The following UFL1 variants were observed in gnomAD, a reference collection of about 807,000 sequenced individuals.
UFL1 encodes E3 UFM1-protein ligase 1.
UFL1 carries 78 observed loss-of-function variants against 99.3 expected under a neutral mutation model. The ratio of observed to expected loss-of-function variants is 0.79; its 90% CI spans 0.65 to 0.95. UFL1 has a LOEUF of 0.95. UFL1 is among the 40% of genes least tolerant of loss of function. The pLI, the probability that UFL1 is intolerant of heterozygous loss-of-function variation, is 0.00. For missense variants in UFL1, 936 were observed against 937.0 expected, an observed-to-expected ratio of 1.00 and a Z score of 0.01; for synonymous variants, 335 against 322.2, an observed-to-expected ratio of 1.04 and a Z score of -0.42.
intron 4 of UFL1, 108 bp from the exon 5 acceptor site, chr6:96,526,213 A>G: frequency 3.7e-6 from 3 of 817,838 alleles, no homozygotes; most frequent in Non-Finnish European, 3.9e-6. Context: ...CACACATTTC[A>G]TTACTTTTGG....
In UFL1 at chr6:96,526,233, CATTTCAACGGAA is replaced by C. The variant is rs1360573771; in HGVS notation, c.351-84_351-73del. On this transcript the variant is annotated intron_variant, in intron 4 of 18. Coordinates refer to ENST00000369278, the MANE Select transcript of UFL1 (RefSeq NM_015323.5). ...ATTTCATTACTTTTGGGGCATACTTCATTTCAACGGAAATTAAACATAAAATGAGGAAACAGA... is the reference window on the plus strand; with the variant it reads ...ATTTCATTACTTTTGGGGCATACTTCATTAAACATAAAATGAGGAAACAGA... 3 of 1,092,580 alleles carry C rather than the reference CATTTCAACGGAA, an allele frequency of 2.7e-6. No homozygotes were observed. In the African/African-American group the frequency reaches 4.8e-5, roughly 17 times the overall value. The allele number at this position is 1,092,580 out of a possible 1,614,324, so 67.7% of individuals were successfully genotyped here.
intron 10 of UFL1, among the ~76,000 whole-genome samples, chr6:96,539,695 T>C (rs1441007619): frequency 1.3e-5 from 2 of 151,538 alleles, no homozygotes; most frequent in East Asian, 1.9e-4. Context: ...AAATAAGGGA[T>C]ATATGTAAAA....
chr6:96,547,816 G>C (rs141472960), intron 12 of UFL1, among the ~76,000 whole-genome samples: 2 of 151,158 alleles, frequency 1.3e-5, no homozygotes, highest in Non-Finnish European at 1.5e-5. Context: ...GTTGGGGGGG[G>C]GCGGTATGTG....
chr6:96,533,151 A>T (rs1769805212), intron 6 of UFL1, among the ~76,000 whole-genome samples: 1 of 152,092 alleles, frequency 6.6e-6, no homozygotes, highest in Non-Finnish European at 1.5e-5. Context: ...GCTTAAAAGG[A>T]ATAGAAAAGA....
Position 96,538,685 on chromosome 6 carries a change from G to A in UFL1, c.1033G>A (p.Val345Met). 1.2e-6 allele frequency: 2 copies of A among 1,611,546 alleles called. No homozygotes were observed. The highest frequency in any genetic ancestry group is 1.7e-6 in the Non-Finnish European group (2 of 1,178,352). Residue 345 changes from valine to methionine, a missense_variant, in exon 10 of 19, where the codon GTG (valine) becomes ATG (methionine). By Grantham distance (21) the Val-to-Met change is conservative. Coordinates refer to ENST00000369278, the MANE Select transcript of UFL1 (RefSeq NM_015323.5). ...AGATGCTGCCATATTGCTTCAGCAG[G>A]TGATGAGGGCATTCAGCAAACAGGC... ...VEDAAILLQQ[V>M]MRAFSKQAST...
At chr6:96,547,777 A>G (rs1267186584) in intron 12 of UFL1, among the ~76,000 whole-genome samples, 1 of 151,380 alleles carries the variant, frequency 6.6e-6, no homozygotes, top group Admixed American at 6.6e-5. Flanking sequence ...ACACATGGAA[A>G]ATAATAGAAG....
In UFL1 at chr6:96,523,287, A is replaced by T. The variant is rs1181096681; in HGVS notation, c.219A>T (p.Arg73=). ...SKEMRDELHV[R]GGRVNIVDLQ... is the part of the protein sequence containing the mutation. Reference sequence around the variant, plus strand: ...AAATGAGAGATGAGCTACATGTCCGAGGTGGTAGGTAATTCTTTAGTGTTT... The same window carrying T: ...AAATGAGAGATGAGCTACATGTCCGTGGTGGTAGGTAATTCTTTAGTGTTT... Residue 73 remains arginine, a synonymous_variant, in exon 2 of 19, where the codon CGA becomes CGT. Coordinates refer to ENST00000369278, the MANE Select transcript of UFL1 (RefSeq NM_015323.5). 1 of 1,585,606 alleles carries T rather than the reference A, an allele frequency of 6.3e-7. No homozygotes were observed.
intron 11 of UFL1, among the ~76,000 whole-genome samples, chr6:96,541,721 T>C (rs1383710377): frequency 1.3e-5 from 2 of 151,284 alleles, no homozygotes; most frequent in African/African-American, 4.8e-5. Context: ...TCAGTATAAC[T>C]AGTCTATTTA....
At chr6:96,548,488 G>C (rs1183706436) in intron 13 of UFL1, among the ~76,000 whole-genome samples, 1 of 151,584 alleles carries the variant, frequency 6.6e-6, no homozygotes, top group Non-Finnish European at 1.5e-5. Context: ...GGGTAAAGCA[G>C]TATGGGAAAT....
At chr6:96,548,927 T>C (rs917078871) in intron 13 of UFL1, among the ~76,000 whole-genome samples, 1 of 151,720 alleles carries the variant, frequency 6.6e-6, no homozygotes, top group Admixed American at 6.6e-5. Context: ...TTTTTTAATA[T>C]AAATATTTTT....
At chr6:96,550,523 G>A (rs1171428204) in intron 15 of UFL1, among the ~76,000 whole-genome samples, 1 of 152,026 alleles carries the variant, frequency 6.6e-6, no homozygotes, top group Non-Finnish European at 1.5e-5. Flanking sequence ...GGTCTTTGGT[G>A]ATGTAGTTAG....
chr6:96,525,650 C>G (rs1368901460), intron 4 of UFL1, among the ~76,000 whole-genome samples: 1 of 135,024 alleles, frequency 7.4e-6, no homozygotes, highest in Non-Finnish European at 1.5e-5. Context: ...GACCAGCCTA[C>G]GTAACATAGC....
intron 16 of UFL1, 39 bp from the exon 17 acceptor site, chr6:96,551,799 A>G: frequency 7.6e-7 from 1 of 1,321,238 alleles, no homozygotes; most frequent in African/African-American, 1.5e-5. Flanking sequence ...TTATGCAGTT[A>G]TATATAAAAG....
At chr6:96,523,989 A>G (rs919166317) in intron 2 of UFL1, among the ~76,000 whole-genome samples, 1 of 151,920 alleles carries the variant, frequency 6.6e-6, no homozygotes, top group African/African-American at 2.4e-5. Flanking sequence ...TCTTATGCTG[A>G]TATGTAGAAG....
Position 96,549,691 on chromosome 6 carries a change from C to A in UFL1, c.1710C>A (p.Thr570=). The part of the protein sequence containing the change: ...FFADDTQAAL[T]KHLLKSVCTD... ...CAGATGACACACAGGCTGCTCTTACCAAACACTTGCTGAAGTCAGTGTGTA... is the reference window on the plus strand; with the variant it reads ...CAGATGACACACAGGCTGCTCTTACAAAACACTTGCTGAAGTCAGTGTGTA... Residue 570 remains threonine (T), a synonymous_variant, in exon 15 of 19, where the codon ACC becomes ACA. Coordinates refer to ENST00000369278, the MANE Select transcript of UFL1 (RefSeq NM_015323.5). 1.9e-6 allele frequency: 3 copies of A among 1,611,492 alleles called. No homozygotes were observed. The East Asian group carries it at 6.7e-5, about 36-fold the overall frequency.
chr6:96,544,685 A>G (rs974719288), intron 12 of UFL1, among the ~76,000 whole-genome samples: 3 of 151,114 alleles, frequency 2.0e-5, no homozygotes, highest in Non-Finnish European at 3.0e-5. Context: ...CTTATTTCAA[A>G]TAGGATTAAG....
intron 3 of UFL1, 57 bp from the exon 4 acceptor site, chr6:96,525,240 T>C (rs1351318843): frequency 1.5e-6 from 2 of 1,345,444 alleles, no homozygotes; most frequent in Non-Finnish European, 2.1e-6. Flanking sequence ...GTATATAATT[T>C]CAAGCTTAAG....
At chr6:96,539,530 A>G (rs1582442018) in intron 10 of UFL1, among the ~76,000 whole-genome samples, 1 of 151,666 alleles carries the variant, frequency 6.6e-6, no homozygotes. Context: ...ATTTAGCCTG[A>G]TAAGCAGCAG....
At chr6:96,543,115 GTCC>G in intron 12 of UFL1, 99 bp downstream of exon 12, 1 of 1,399,918 alleles carries the variant, frequency 7.1e-7, no homozygotes, top group Non-Finnish European at 9.5e-7. Context: ...AATACAGGAA[GTCC>G]TTATTTTGCA....
Sources: gnomAD v4.1 joint callset for allele counts (sites outside exome capture counted in the v4.1 genomes callset) on GRCh38, gnomAD v4.1.1 for gene constraint, MANE v1.5 for transcripts, NCBI Gene and HGNC (gene_info 2026-07-23, HGNC 2026-07-21) for gene names.